ZNF880: variants seen among roughly 807,000 people sequenced by gnomAD.
ZNF880 encodes zinc finger protein LOC400713.
ZNF880 carries 12 observed loss-of-function variants against 11.8 expected under a neutral mutation model. The observed-to-expected ratio is 1.02, with a 90% confidence interval of 0.65 to 1.65. The LOEUF is 1.65. ZNF880 is among the 40% of genes most tolerant of loss of function. ZNF880 has a pLI of 0.00. For synonymous variants in ZNF880, 210 were observed against 232.4 expected (o/e 0.90, Z 0.88); for missense variants, 601 against 673.9 (o/e 0.89, Z 1.20).
upstream of ZNF880, among the ~76,000 whole-genome samples, chr19:52,369,531 TTTG>T (rs143158994): frequency 5.6e-4 from 85 of 152,152 alleles, 1 homozygote; most frequent in East Asian, 0.014. Flanking sequence ...TTATTTCCAA[TTTG>T]TTATTTATGA....
At chr19:52,379,145 CTCTT>C (rs1986637568) in intron 3 of ZNF880, among the ~76,000 whole-genome samples, 1 of 151,896 alleles carries the variant, frequency 6.6e-6, no homozygotes, top group Admixed American at 6.6e-5. Flanking sequence ...CCATATGGTA[CTCTT>C]TGTCTTCTTT....
chr19:52,377,756 G>A (rs950612735), intron 3 of ZNF880, among the ~76,000 whole-genome samples: 2 of 152,224 alleles, frequency 1.3e-5, no homozygotes, highest in African/African-American at 4.8e-5. Flanking sequence ...GGGGAGGCAC[G>A]TGGGAAGATT....
intron 1 of ZNF880, among the ~76,000 whole-genome samples, chr19:52,372,782 C>T (rs970675251): frequency 1.2e-4 from 18 of 148,922 alleles, no homozygotes; most frequent in African/African-American, 3.9e-4. Context: ...TGGTGGCGGG[C>T]GCCTGTAGTC....
the ZNF880 span, among the ~76,000 whole-genome samples, chr19:52,393,217 T>C: frequency 1.8e-4 from 27 of 151,854 alleles, no homozygotes; most frequent in Non-Finnish European, 2.9e-4. Context: ...GGATTACTGG[T>C]GCCTGCCACC....
chr19:52,377,359 C>T (rs34425941), intron 3 of ZNF880, among the ~76,000 whole-genome samples: 58,569 of 151,900 alleles, frequency 0.39, 11,396 homozygotes, highest in South Asian at 0.51. Context: ...TCTCAAATGC[C>T]ACTCAGCAGA....
rs1986806744 is a variant in ZNF880, at chr19:52,384,523, CAGAAAATTCAT to C, written c.946_956del (p.Lys316TrpfsTer8). On this transcript the variant is annotated frameshift_variant, in exon 4 of 4. Transcript: ENST00000422689. LOFTEE classifies it low-confidence loss of function (END_TRUNC). ...CAGAAATGCACACCTTGCACGACAT[CAGAAAATTCAT>C]AGTGGAGAGAAACCTTACAAATGTA... 3 of 1,613,854 alleles carry C rather than the reference CAGAAAATTCAT, an allele frequency of 1.9e-6. No individual in the cohort carries two copies. The highest frequency in any genetic ancestry group is 1.7e-5 in the Admixed American group (1 of 59,982).
chr19:52,370,391 A>T, intron 1 of ZNF880: 1 of 190,200 alleles, frequency 5.3e-6, no homozygotes. Context: ...TTTACTGCTG[A>T]TTGTGATGTT....
Position 52,382,140 on chromosome 19 carries a change from A to G in ZNF880, c.269-1709A>G, listed in dbSNP as rs567789024. 7.8e-4 allele frequency among the ~76,000 whole-genome samples: 119 copies of G among 152,074 alleles called. 1 individual carries two copies. The highest frequency in any genetic ancestry group is 2.7e-3 in the African/African-American group (114 of 41,520). On this transcript the variant is annotated intron_variant, in intron 3 of 3. Transcript: ENST00000422689. ...AATACAAAAATTAGCCAGGTGGGGT[A>G]ACGCATGCCTATAATCCCAGCTACT...
intron 3 of ZNF880, among the ~76,000 whole-genome samples, chr19:52,376,527 T>TTTTTTTTTTTTTA (rs1986561704): frequency 7.2e-6 from 1 of 138,594 alleles, no homozygotes. Context: ...TTTTTTTTTT[T>TTTTTTTTTTTTTA]GAGACAGCGT....
Position 52,383,937 on chromosome 19 carries a change from G to A in ZNF880, c.357G>A (p.Leu119=). 6.4e-7 allele frequency: 1 copy of A among 1,558,998 alleles called. No homozygotes were observed. Among genetic ancestry groups the A allele is most frequent in the Non-Finnish European group, 8.7e-7 (1 of 1,150,722 alleles). Residue 119 remains leucine (L), a synonymous_variant, in exon 4 of 4, where the codon CTG becomes CTA. Transcript: ENST00000422689. ...GLTFQLHLSE[L]QLFQAERNIS... ...CCTTTCAGTTACATCTGAGTGAACT[G>A]CAGCTATTTCAAGCTGAAAGGAATA...
the ZNF880 span, among the ~76,000 whole-genome samples, chr19:52,394,052 G>A: frequency 6.6e-6 from 1 of 151,490 alleles, no homozygotes; most frequent in Non-Finnish European, 1.5e-5. Context: ...TGTTAGCCAG[G>A]ATAGTCTCGA....
chr19:52,379,277 A>G, intron 3 of ZNF880: 1 of 339,794 alleles, frequency 2.9e-6, no homozygotes. Context: ...TATACACTCC[A>G]GGAGTTTTGG....
intron 3 of ZNF880, among the ~76,000 whole-genome samples, chr19:52,376,372 G>A (rs1328018198): frequency 6.6e-6 from 1 of 151,868 alleles, no homozygotes; most frequent in Non-Finnish European, 1.5e-5. Context: ...GGAGTAAGAG[G>A]GTATTATATT....
At chr19:52,392,350 G>A in the ZNF880 span, among the ~76,000 whole-genome samples, 1 of 152,030 alleles carries the variant, frequency 6.6e-6, no homozygotes, top group Non-Finnish European at 1.5e-5. Flanking sequence ...ACCCAGGCTA[G>A]AGTGCAGTGG....
At chr19:52,372,955 GAGA>G in intron 1 of ZNF880, among the ~76,000 whole-genome samples, 153 bp from the exon 2 acceptor site, 1 of 151,060 alleles carries the variant, frequency 6.6e-6, no homozygotes, top group East Asian at 2.0e-4. Flanking sequence ...ACTTCTAATG[GAGA>G]AGTATATTAA....
rs8104812 is a variant in ZNF880, at chr19:52,384,184, A to G, written c.604A>G (p.Asn202Asp). The part of the protein sequence containing the change: ...AFRVSSRLAN[N>D]QVIHTADNPY... ...TAGAGTGTCTTCAAGACTTGCTAAC[A>G]ATCAAGTAATCCACACTGCAGATAA... Residue 202 changes from asparagine (N) to aspartate (D), a missense_variant, in exon 4 of 4, where the codon AAT becomes GAT. This residue lies in a region of ZNF880 where 420 missense variants were observed against 442.6 expected (regional missense o/e 0.95). Coordinates refer to ENST00000422689, the MANE Select transcript of ZNF880 (RefSeq NM_001145434.2). The G allele has an allele frequency of 5.2e-5, 84 of 1,608,822 alleles. No individual in the cohort carries two copies. The highest frequency in any genetic ancestry group is 6.9e-5 in the Non-Finnish European group (81 of 1,177,152).
intron 1 of ZNF880, among the ~76,000 whole-genome samples, chr19:52,371,805 G>A (rs1036418206): frequency 3.3e-5 from 5 of 152,156 alleles, no homozygotes; most frequent in African/African-American, 1.2e-4. Context: ...AATAGGATGG[G>A]AACAGATTGT....
chr19:52,386,466 A>T (rs7259863), downstream of ZNF880, among the ~76,000 whole-genome samples: 63,718 of 141,632 alleles, frequency 0.45, 18,725 homozygotes, highest in Middle Eastern at 0.56. Context: ...GGTGGGCACT[A>T]GGACTGCATA....
downstream of ZNF880, among the ~76,000 whole-genome samples, chr19:52,388,418 C>T (rs993885746): frequency 2.7e-5 from 4 of 149,574 alleles, no homozygotes; most frequent in Non-Finnish European, 4.4e-5. Context: ...CCTGGGACTA[C>T]AAGCGTGCAC....
Sources: allele counts gnomAD v4.1 joint callset (sites outside exome capture counted in the v4.1 genomes callset), GRCh38; gene constraint gnomAD v4.1.1; regional missense constraint gnomAD v4.1.1; transcripts MANE v1.5; gene names NCBI Gene and HGNC (gene_info 2026-07-23, HGNC 2026-07-21).